The following LRMDA variants were observed in gnomAD, a reference collection of about 807,000 sequenced individuals.
The protein encoded by LRMDA is leucine-rich melanocyte differentiation-associated protein.
In LRMDA, 18 loss-of-function variants were observed where a neutral mutation model predicts 29.8. The ratio of observed to expected loss-of-function variants is 0.60; its 90% confidence interval spans 0.42 to 0.90. LRMDA has a LOEUF of 0.90. Among genes scored for constraint, LRMDA ranks in the 40% least tolerant of loss-of-function variants. The pLI, the probability that LRMDA is intolerant of heterozygous loss-of-function variation, is 0.00. For synonymous variants in LRMDA, 125 were observed against 109.4 expected, an observed-to-expected ratio of 1.14 and a Z score of -0.89; for missense variants, 273 against 273.9, an observed-to-expected ratio of 1.00 and a Z score of 0.02.
chr10:75,453,597 G>A (rs911832049), intron 2 of LRMDA, among the ~76,000 whole-genome samples: 1 of 152,080 alleles, frequency 6.6e-6, no homozygotes, highest in East Asian at 1.9e-4. Context: ...TGTGAGTTTT[G>A]AGGTGCTTTG....
intron 5 of LRMDA, among the ~76,000 whole-genome samples, chr10:76,281,079 G>C (rs768697764): frequency 6.6e-6 from 1 of 152,142 alleles, no homozygotes; most frequent in African/African-American, 2.4e-5. Context: ...GAACACTTCA[G>C]TGGCTGTGAA....
intron 2 of LRMDA, among the ~76,000 whole-genome samples, chr10:75,643,918 A>G (rs1053432900): frequency 5.3e-5 from 8 of 152,156 alleles, no homozygotes; most frequent in Non-Finnish European, 7.4e-5. Flanking sequence ...TTATTTCAGC[A>G]GAGTTTTATG....
chr10:76,341,228 A>G (rs1381604862), intron 6 of LRMDA, among the ~76,000 whole-genome samples: 2 of 152,238 alleles, frequency 1.3e-5, no homozygotes, highest in African/African-American at 2.4e-5. Context: ...GTTGAAATTC[A>G]TATTAGAAAT....
intron 2 of LRMDA, among the ~76,000 whole-genome samples, chr10:75,906,061 C>T (rs1430470112): frequency 6.6e-6 from 1 of 151,632 alleles, no homozygotes; most frequent in East Asian, 1.9e-4. Context: ...CCAGCTCTCA[C>T]CCCAGCTCCA....
At chr10:76,037,943 T>C (rs1422726139) in intron 3 of LRMDA, among the ~76,000 whole-genome samples, 1 of 152,258 alleles carries the variant, frequency 6.6e-6, no homozygotes, top group Non-Finnish European at 1.5e-5. Context: ...GTCTTTGTCA[T>C]AATGAAATTT....
chr10:75,500,394 A>G (rs1379942306), intron 2 of LRMDA, among the ~76,000 whole-genome samples: 1 of 152,212 alleles, frequency 6.6e-6, no homozygotes, highest in Non-Finnish European at 1.5e-5. Flanking sequence ...TGCTCTACAG[A>G]AGAAACTGAG....
At chr10:76,006,378 C>T (rs899729141) in intron 2 of LRMDA, among the ~76,000 whole-genome samples, 1 of 152,122 alleles carries the variant, frequency 6.6e-6, no homozygotes, top group African/African-American at 2.4e-5. Context: ...TGGAGAGAAC[C>T]GTTTTGCCTC....
intron 2 of LRMDA, among the ~76,000 whole-genome samples, chr10:75,654,174 A>C (rs1841637987): frequency 6.6e-6 from 1 of 152,120 alleles, no homozygotes; most frequent in African/African-American, 2.4e-5. Context: ...TTTAATCTGG[A>C]ATTAGATCAT....
intron 2 of LRMDA, among the ~76,000 whole-genome samples, chr10:75,905,843 CCT>C (rs1175616658): frequency 1.3e-5 from 2 of 152,154 alleles, no homozygotes; most frequent in Non-Finnish European, 2.9e-5. Context: ...GGGACATTTC[CCT>C]CTCTCTGTCT....
At chr10:76,541,772 C>T (rs999684556) in intron 6 of LRMDA, among the ~76,000 whole-genome samples, 9 of 152,116 alleles carry the variant, frequency 5.9e-5, no homozygotes, top group Non-Finnish European at 1.3e-4. Context: ...AAAACGAGCT[C>T]TGTAAATGTC....
chr10:76,436,163 G>A (rs1260332779), intron 6 of LRMDA, among the ~76,000 whole-genome samples: 14 of 152,220 alleles, frequency 9.2e-5, no homozygotes, highest in Admixed American at 7.2e-4. Context: ...GTTCTCATGT[G>A]AGAAGCAGAT....
At chr10:75,824,911 G>T (rs1456355991) in intron 2 of LRMDA, among the ~76,000 whole-genome samples, 1 of 152,242 alleles carries the variant, frequency 6.6e-6, no homozygotes, top group Non-Finnish European at 1.5e-5. Flanking sequence ...AAGAGGTCCA[G>T]TGACCCCAAT....
chr10:76,108,838 G>A (rs1036066501), intron 5 of LRMDA, among the ~76,000 whole-genome samples: 5 of 152,116 alleles, frequency 3.3e-5, no homozygotes, highest in African/African-American at 1.2e-4. Context: ...CTGAGTGATT[G>A]TTCCTACATT....
At chr10:76,524,720 T>C (rs1843156688) in intron 6 of LRMDA, among the ~76,000 whole-genome samples, 2 of 152,236 alleles carry the variant, frequency 1.3e-5, no homozygotes, top group South Asian at 4.1e-4. Flanking sequence ...CAATATTTTG[T>C]ACCTCTGCCG....
intron 2 of LRMDA, among the ~76,000 whole-genome samples, chr10:75,448,154 C>G (rs11001395): frequency 0.018 from 2,725 of 152,284 alleles, 95 homozygotes; most frequent in African/African-American, 0.062. Flanking sequence ...CTGTAACTTG[C>G]AATATAATTT....
At chr10:75,847,099 C>T (rs372423049) in intron 2 of LRMDA, among the ~76,000 whole-genome samples, 104 of 152,168 alleles carry the variant, frequency 6.8e-4, no homozygotes, top group African/African-American at 1.3e-3. Context: ...TTCCTAGTTT[C>T]GAAATGTATT....
chr10:75,949,590 C>T (rs755571807), intron 2 of LRMDA, among the ~76,000 whole-genome samples: 12 of 152,088 alleles, frequency 7.9e-5, no homozygotes, highest in Non-Finnish European at 1.6e-4. Context: ...ATAGAACTAT[C>T]CTCTAGCCCT....
At chr10:75,836,601 G>T (rs1844441561) in intron 2 of LRMDA, among the ~76,000 whole-genome samples, 2 of 152,036 alleles carry the variant, frequency 1.3e-5, no homozygotes, top group African/African-American at 4.8e-5. Context: ...TTTAAAAGAG[G>T]AATCTTCTAT....
chr10:76,559,494 G>C lies in LRMDA; in HGVS notation c.*2206G>C, dbSNP rs1328409234. 1 of 152,160 alleles carries C rather than the reference G, an allele frequency of 6.6e-6. No homozygotes were observed. The highest frequency in any genetic ancestry group is 1.5e-5 in the Non-Finnish European group (1 of 68,034). The allele number at this position is 152,160 out of a possible 1,614,324, so 9.4% of individuals were successfully genotyped here. ...CATCTTATTGATAGAATTATAGTCAGCTTTGTTTCTCTTAAGCAGGGATAG... is the reference window on the plus strand; with the variant it reads ...CATCTTATTGATAGAATTATAGTCACCTTTGTTTCTCTTAAGCAGGGATAG... On this transcript the variant is annotated 3_prime_UTR_variant, in exon 7 of 7. Transcript: ENST00000611255.
Sources: gnomAD v4.1 joint callset for allele counts (sites outside exome capture counted in the v4.1 genomes callset) on GRCh38, gnomAD v4.1.1 for gene constraint, MANE v1.5 for transcripts, NCBI Gene and HGNC (gene_info 2026-07-23, HGNC 2026-07-21) for gene names.